The following BBS9 variants were observed in gnomAD, a reference collection of about 807,000 sequenced individuals.
BBS9 encodes Bardet-Biedl syndrome 9.
A neutral mutation model predicts 117.7 loss-of-function variants in BBS9; 89 were observed. The observed-to-expected ratio is 0.76, with a 90% CI of 0.64 to 0.90. BBS9 has a LOEUF of 0.90. Among genes scored for constraint, BBS9 ranks in the 40% least tolerant of loss-of-function variants. The probability of loss-of-function intolerance (pLI) is 0.00; values close to 1 mark genes in which losing one functional copy is unlikely to be tolerated. For missense variants in BBS9, 982 were observed against 1,042.2 expected, an observed-to-expected ratio of 0.94 and a Z score of 0.80; for synonymous variants, 379 against 370.9, an observed-to-expected ratio of 1.02 and a Z score of -0.25.
At position 33,178,508 on chromosome 7, in the gene BBS9, G is replaced by A. The variant is rs549652208; in HGVS notation, c.442+917G>A. Among the ~76,000 whole-genome samples, 6 of 152,232 alleles carry A rather than the reference G, an allele frequency of 3.9e-5. No homozygotes were observed. The East Asian group carries it at 5.8e-4, about 15-fold the overall frequency. On this transcript the variant is annotated intron_variant, in intron 5 of 22. Coordinates refer to ENST00000242067, the MANE Select transcript of BBS9 (RefSeq NM_198428.3). ...CCAAACCAACTTCTCTCCCTGCACCGTGACAGGGTAGTAGAGGAGCTGGTG... is the reference window on the plus strand; with the variant it reads ...CCAAACCAACTTCTCTCCCTGCACCATGACAGGGTAGTAGAGGAGCTGGTG...
intron 5 of BBS9, among the ~76,000 whole-genome samples, chr7:33,206,512 T>A (rs371164919): frequency 3.9e-5 from 6 of 152,258 alleles, no homozygotes; most frequent in African/African-American, 4.8e-5. Context: ...ATTGTTAATA[T>A]TTTTACCTTA....
At chr7:33,283,220 G>A (rs780479337) in intron 9 of BBS9, among the ~76,000 whole-genome samples, 2 of 152,032 alleles carry the variant, frequency 1.3e-5, no homozygotes, top group South Asian at 2.1e-4. Flanking sequence ...GATAACATCC[G>A]CTTCCCTCTG....
intron 19 of BBS9, among the ~76,000 whole-genome samples, chr7:33,451,079 G>A (rs13225608): frequency 0.18 from 26,621 of 151,692 alleles, 2,563 homozygotes; most frequent in South Asian, 0.25. Context: ...TAGTAGAGAC[G>A]GGGTTTCATC....
intron 21 of BBS9, among the ~76,000 whole-genome samples, chr7:33,580,870 A>G (rs1250323019): frequency 1.3e-5 from 2 of 152,182 alleles, no homozygotes; most frequent in African/African-American, 4.8e-5. Context: ...CCCGTGATTC[A>G]GTAACTTGGA....
intron 20 of BBS9, among the ~76,000 whole-genome samples, chr7:33,530,287 A>G (rs962718564): frequency 4.6e-5 from 7 of 152,366 alleles, no homozygotes; most frequent in African/African-American, 1.4e-4. Context: ...TACCATGCCA[A>G]ATACCTAAAC....
At chr7:33,559,461 G>A (rs1585254208) in intron 21 of BBS9, among the ~76,000 whole-genome samples, 1 of 152,070 alleles carries the variant, frequency 6.6e-6, no homozygotes, top group East Asian at 1.9e-4. Flanking sequence ...TCATTTAGCT[G>A]TTGGGCATAG....
chr7:33,524,265 A>T (rs951647942), intron 20 of BBS9, among the ~76,000 whole-genome samples: 8 of 152,078 alleles, frequency 5.3e-5, no homozygotes, highest in African/African-American at 1.9e-4. Context: ...TGGCCTCATA[A>T]AATGAGTTAG....
At chr7:33,301,468 C>T (rs759870297) in intron 9 of BBS9, among the ~76,000 whole-genome samples, 11 of 152,084 alleles carry the variant, frequency 7.2e-5, no homozygotes, top group African/African-American at 1.2e-4. Flanking sequence ...GCTCTCCATG[C>T]GTTCAATTAT....
At chr7:33,419,639 T>C (rs1472896268) in intron 19 of BBS9, among the ~76,000 whole-genome samples, 3 of 152,188 alleles carry the variant, frequency 2.0e-5, no homozygotes, top group Non-Finnish European at 2.9e-5. Flanking sequence ...TTCAAACTTA[T>C]AGTGAATAAA....
At chr7:33,328,821 T>C (rs1212472386) in intron 9 of BBS9, among the ~76,000 whole-genome samples, 1 of 152,158 alleles carries the variant, frequency 6.6e-6, no homozygotes, top group Non-Finnish European at 1.5e-5. Flanking sequence ...GAGCTATATT[T>C]CAAATAATTT....
chr7:33,232,445 T>TA (rs1196913072), intron 5 of BBS9, among the ~76,000 whole-genome samples: 1 of 152,162 alleles, frequency 6.6e-6, no homozygotes, highest in Non-Finnish European at 1.5e-5. Flanking sequence ...GGTGAACACT[T>TA]AGAGACTTTG....
chr7:33,389,858 C>CTGT (rs1826749522), intron 19 of BBS9, among the ~76,000 whole-genome samples: 1 of 152,084 alleles, frequency 6.6e-6, no homozygotes, highest in African/African-American at 2.4e-5. Flanking sequence ...TTCCCTTACC[C>CTGT]TCCCAGAACT....
At chr7:33,246,153 T>C (rs903237723) in intron 5 of BBS9, among the ~76,000 whole-genome samples, 2 of 152,196 alleles carry the variant, frequency 1.3e-5, no homozygotes, top group Non-Finnish European at 2.9e-5. Context: ...AATGGCTAAA[T>C]GGCACATTGA....
chr7:33,222,374 A>G (rs1018997491), intron 5 of BBS9, among the ~76,000 whole-genome samples: 4 of 152,202 alleles, frequency 2.6e-5, no homozygotes, highest in Admixed American at 2.6e-4. Context: ...GCAAAAGGGT[A>G]AGGATCGTTG....
chr7:33,142,669 A>G (rs190371032), intron 1 of BBS9, among the ~76,000 whole-genome samples: 1 of 152,320 alleles, frequency 6.6e-6, no homozygotes, highest in Non-Finnish European at 1.5e-5. Context: ...CATAAGTGGA[A>G]TCATATGGTA....
At chr7:33,407,283 A>T (rs1298147576) in intron 19 of BBS9, among the ~76,000 whole-genome samples, 1 of 152,172 alleles carries the variant, frequency 6.6e-6, no homozygotes, top group African/African-American at 2.4e-5. Flanking sequence ...TTTCAGCTCC[A>T]TCAGCTCCTT....
intron 19 of BBS9, among the ~76,000 whole-genome samples, chr7:33,395,042 T>G (rs1827709558): frequency 6.6e-6 from 1 of 152,176 alleles, no homozygotes; most frequent in Non-Finnish European, 1.5e-5. Flanking sequence ...TAGATTTTCT[T>G]TAGCAAAATT....
chr7:33,338,891 T>G (rs1050826683), intron 10 of BBS9, among the ~76,000 whole-genome samples: 10 of 152,170 alleles, frequency 6.6e-5, no homozygotes, highest in Non-Finnish European at 1.5e-5. Flanking sequence ...AACATTGAGA[T>G]AGGTGCCCAT....
Position 33,449,326 on chromosome 7 carries a change from T to C in BBS9, c.2116-56137T>C, listed in dbSNP as rs564308460. On this transcript the variant is annotated intron_variant, in intron 19 of 22. Transcript: ENST00000242067. ...TGAATTACCAGCCATAGACAATACA[T>C]CACTAACAGAATGGTACTGGCTACA... is the stretch of plus-strand genomic sequence containing the variant. 1.9e-4 allele frequency among the ~76,000 whole-genome samples: 29 copies of C among 152,248 alleles called. No individual in the cohort carries two copies. The South Asian group carries it at 3.9e-3, about 21-fold the overall frequency.
Sources: gnomAD v4.1 joint callset for allele counts (sites outside exome capture counted in the v4.1 genomes callset) on GRCh38, gnomAD v4.1.1 for gene constraint, MANE v1.5 for transcripts, NCBI Gene and HGNC (gene_info 2026-07-23, HGNC 2026-07-21) for gene names.